The following SH3YL1 variants were observed in gnomAD, a reference collection of about 807,000 sequenced individuals.
SH3YL1 encodes SH3 and SYLF domain containing 1, also known as SH3 domain-containing YSC84-like protein 1.
A neutral mutation model predicts 45.8 loss-of-function variants in SH3YL1; 41 were observed. The observed-to-expected ratio is 0.89, with a 90% confidence interval of 0.70 to 1.16. The LOEUF is 1.16. Ranked by LOEUF, SH3YL1 falls within the 50% of genes most tolerant of loss-of-function variation. SH3YL1 has a pLI of 0.00. For synonymous variants in SH3YL1, 152 were observed against 151.4 expected, an observed-to-expected ratio of 1.00 and a Z score of -0.03; for missense variants, 389 against 409.6, an observed-to-expected ratio of 0.95 and a Z score of 0.43.
chr2:249,735 A>C lies in SH3YL1; in HGVS notation c.222T>G (p.Asp74Glu). 6.4e-7 allele frequency: 1 copy of C among 1,550,816 alleles called. No homozygotes were observed. The highest frequency in any genetic ancestry group is 8.7e-7 in the Non-Finnish European group (1 of 1,146,162). ...AGTGAACAGACGCCAACTTACTTCCATCTGGAAGGCGCGCCACTACAATCC... is the reference window on the plus strand; with the variant it reads ...AGTGAACAGACGCCAACTTACTTCCCTCTGGAAGGCGCGCCACTACAATCC... ...GSGIVVARLP[D>E]GKWSAPSAIG... The change falls in exon 3 of 10, where the codon GAT becomes GAG. Residue 74 changes from aspartate to glutamate, a missense_variant. Transcript: ENST00000356150.
rs1240285959 is a variant in SH3YL1, at chr2:250,936, T to C, written c.113-1092A>G. Among the ~76,000 whole-genome samples the C allele has an allele frequency of 1.1e-4, 17 of 152,364 alleles. No homozygotes were observed. The East Asian group carries it at 2.7e-3, about 24-fold the overall frequency. On this transcript the variant is annotated intron_variant, in intron 2 of 9. Transcript: ENST00000356150. ...ATTTTAAAAGGTTATAATTATATTG[T>C]AACAAGATTGAAAGCTGTATTATAT...
intron 3 of SH3YL1, among the ~76,000 whole-genome samples, chr2:248,115 T>C (rs1280799933): frequency 6.6e-6 from 1 of 152,242 alleles, no homozygotes; most frequent in Non-Finnish European, 1.5e-5. Context: ...AAATAGGCTA[T>C]AAATTCAAGG....
At chr2:237,826 A>C (rs116190452) in intron 4 of SH3YL1, among the ~76,000 whole-genome samples, 2,854 of 152,332 alleles carry the variant, frequency 0.019, 97 homozygotes, top group African/African-American at 0.064. Context: ...TAAATCAAAA[A>C]AAAAATTAAA....
At chr2:243,074 T>A (rs1229960767) in intron 4 of SH3YL1, among the ~76,000 whole-genome samples, 1 of 152,006 alleles carries the variant, frequency 6.6e-6, no homozygotes, top group Non-Finnish European at 1.5e-5. Context: ...TTAACAAAAA[T>A]AGCTCGATGT....
intron 8 of SH3YL1, among the ~76,000 whole-genome samples, chr2:228,668 A>T (rs1352889644): frequency 6.6e-6 from 1 of 152,226 alleles, no homozygotes; most frequent in East Asian, 1.9e-4. Context: ...TAAATCAATC[A>T]TCTGAACATG....
intron 4 of SH3YL1, chr2:242,732 T>TAAC (rs35468551): frequency 0.62 from 866,760 of 1,398,394 alleles, 269,500 homozygotes; most frequent in East Asian, 0.79. Context: ...AAAACAACAA[T>TAAC]AACAACAACA....
At chr2:219,541 T>C (rs1377823951) in intron 9 of SH3YL1, among the ~76,000 whole-genome samples, 1 of 152,136 alleles carries the variant, frequency 6.6e-6, no homozygotes, top group Non-Finnish European at 1.5e-5. Flanking sequence ...CCTGGAACCT[T>C]GATCTTGGAA....
At chr2:230,113 T>C in intron 7 of SH3YL1, 69 bp from the exon 8 acceptor site, 1 of 1,230,214 alleles carries the variant, frequency 8.1e-7, no homozygotes, top group South Asian at 1.4e-5. Flanking sequence ...CATATAACTC[T>C]TTTCTAATGA....
At chr2:234,408 A>G in intron 4 of SH3YL1, 136 bp from the exon 5 acceptor site, 1 of 617,014 alleles carries the variant, frequency 1.6e-6, no homozygotes, top group Non-Finnish European at 2.7e-6. Context: ...GTGAGACAAG[A>G]GCCATATTTT....
intron 1 of SH3YL1, among the ~76,000 whole-genome samples, chr2:257,701 T>A (rs1175323690): frequency 2.6e-5 from 4 of 152,230 alleles, no homozygotes; most frequent in Non-Finnish European, 4.4e-5. Flanking sequence ...TCTCTCTGAA[T>A]CTGCTGTGAT....
chr2:225,540 A>G (rs1453179167), intron 8 of SH3YL1, among the ~76,000 whole-genome samples: 1 of 152,324 alleles, frequency 6.6e-6, no homozygotes, highest in African/African-American at 2.4e-5. Flanking sequence ...GCGTACTCCT[A>G]AAGACAGGCA....
chr2:261,394 T>C (rs901573079), intron 1 of SH3YL1: 5 of 152,212 alleles, frequency 3.3e-5, no homozygotes, highest in African/African-American at 7.2e-5. Flanking sequence ...GCAAAATCTC[T>C]ATAAATATTT....
intron 8 of SH3YL1, among the ~76,000 whole-genome samples, chr2:226,822 T>C (rs570123934): frequency 6.6e-6 from 1 of 150,958 alleles, no homozygotes; most frequent in South Asian, 2.1e-4. Context: ...ATACATATAC[T>C]GGGGAGTATA....
At chr2:264,729 G>T (rs192881649), upstream of SH3YL1, 72 of 472,166 alleles carry the variant, frequency 1.5e-4, 2 homozygotes, top group East Asian at 2.7e-3. Context: ...GCAGGTGAAC[G>T]GCGGCCCAGT....
rs373171235 is a variant in SH3YL1 at position 256,127 on chromosome 2, TTAAG to T, written c.2-3016_2-3013del. 2.0e-5 allele frequency: 3 copies of T among 152,230 alleles called. 1 individual carries two copies. Among genetic ancestry groups the T allele is most frequent in the African/African-American group, 7.2e-5 (3 of 41,464 alleles). The allele number at this position is 152,230 out of a possible 1,614,324, so 9.4% of individuals were successfully genotyped here. A position where few individuals can be genotyped will look rare whatever the true frequency, so the allele number is the denominator to read the frequency against. On this transcript the variant is annotated intron_variant, in intron 1 of 9. Coordinates refer to ENST00000356150, the MANE Select transcript of SH3YL1 (RefSeq NM_015677.4). ...GTTAGTGCCAATCTGATTTCTGTCA[TTAAG>T]TATGAATTTTGTCTGTGCCAGAACT...
At chr2:261,533 G>A (rs941511416) in intron 1 of SH3YL1, among the ~76,000 whole-genome samples, 38 of 151,738 alleles carry the variant, frequency 2.5e-4, no homozygotes, top group African/African-American at 9.2e-4. Context: ...TAAATTAGAA[G>A]GTCTTATAAA....
intron 4 of SH3YL1, among the ~76,000 whole-genome samples, chr2:237,838 A>C (rs1558241393): frequency 6.6e-6 from 1 of 152,356 alleles, no homozygotes; most frequent in Non-Finnish European, 1.5e-5. Context: ...AAAATTAAAA[A>C]ATAAAACTGA....
chr2:245,120 T>C (rs1010468940), intron 4 of SH3YL1, among the ~76,000 whole-genome samples: 8 of 152,114 alleles, frequency 5.3e-5, no homozygotes, highest in Non-Finnish European at 1.2e-4. Flanking sequence ...GAGTGCTTCA[T>C]GGAGAGCAAA....
chr2:249,597 C>G, intron 3 of SH3YL1, 134 bp downstream of exon 3: 1 of 634,756 alleles, frequency 1.6e-6, no homozygotes, highest in South Asian at 2.1e-5. Context: ...CACGTTCAGT[C>G]GAGTAGCCCT....
Sources: allele counts gnomAD v4.1 joint callset (sites outside exome capture counted in the v4.1 genomes callset), GRCh38; gene constraint gnomAD v4.1.1; transcripts MANE v1.5; gene names NCBI Gene and HGNC (gene_info 2026-07-23, HGNC 2026-07-21).